CDH18: variants seen among roughly 807,000 people sequenced by gnomAD.
CDH18 encodes the protein cadherin 18.
A neutral mutation model predicts 67.9 loss-of-function variants in CDH18; 31 were observed. The observed-to-expected ratio is 0.46, with a 90% CI of 0.34 to 0.62. CDH18 has a LOEUF of 0.62. CDH18 is among the 20% of genes least tolerant of loss of function. The pLI is 0.01. For missense variants in CDH18, 890 were observed against 975.5 expected (o/e 0.91, Z 1.17); for synonymous variants, 362 against 347.2 (o/e 1.04, Z -0.48).
intron 6 of CDH18, among the ~76,000 whole-genome samples, chr5:19,611,566 T>C (rs1019338748): frequency 1.1e-4 from 16 of 152,028 alleles, no homozygotes; most frequent in African/African-American, 3.9e-4. Flanking sequence ...AGACAAGAGA[T>C]AAAGTTGAGA....
chr5:19,725,920 G>A (rs372495532), intron 4 of CDH18, among the ~76,000 whole-genome samples: 17 of 152,328 alleles, frequency 1.1e-4, no homozygotes, highest in African/African-American at 4.1e-4. Context: ...AAACTCCTCA[G>A]GTTTTGAAAT....
intron 1 of CDH18, among the ~76,000 whole-genome samples, chr5:20,301,868 T>C (rs1025007204): frequency 2.7e-5 from 4 of 148,624 alleles, no homozygotes; most frequent in Non-Finnish European, 5.9e-5. Flanking sequence ...ATAATCCTTT[T>C]AAAGAAAATC....
chr5:20,339,034 A>G (rs1740023971), intron 1 of CDH18, among the ~76,000 whole-genome samples: 1 of 152,128 alleles, frequency 6.6e-6, no homozygotes, highest in Non-Finnish European at 1.5e-5. Context: ...AAGACAGAGG[A>G]TGCCTATTCT....
intron 2 of CDH18, among the ~76,000 whole-genome samples, chr5:20,140,906 C>CA (rs1750194262): frequency 6.6e-6 from 1 of 152,080 alleles, no homozygotes; most frequent in African/African-American, 2.4e-5. Context: ...AGGTATTTTC[C>CA]AATTCAAGCT....
At chr5:20,024,541 A>G (rs1433524652) in intron 2 of CDH18, among the ~76,000 whole-genome samples, 2 of 152,212 alleles carry the variant, frequency 1.3e-5, no homozygotes, top group African/African-American at 4.8e-5. Context: ...GCAAAGAGAA[A>G]TGAAGACCAG....
intron 2 of CDH18, among the ~76,000 whole-genome samples, chr5:20,213,147 C>T (rs1253916793): frequency 6.6e-6 from 1 of 152,014 alleles, no homozygotes; most frequent in African/African-American, 2.4e-5. Flanking sequence ...ACTTGGAGGC[C>T]ATTGTAGGGT....
chr5:20,222,407 CA>C (rs1473537817), intron 2 of CDH18, among the ~76,000 whole-genome samples: 1 of 152,072 alleles, frequency 6.6e-6, no homozygotes, highest in Non-Finnish European at 1.5e-5. Flanking sequence ...TTGAGATTTA[CA>C]AATACTTTCC....
chr5:19,519,739 A>G (rs967363964), intron 10 of CDH18, among the ~76,000 whole-genome samples: 2 of 152,144 alleles, frequency 1.3e-5, no homozygotes, highest in African/African-American at 4.8e-5. Context: ...GGAGGTCCAA[A>G]TGGCAAGCAA....
intron 3 of CDH18, among the ~76,000 whole-genome samples, chr5:19,793,478 A>G (rs1776567746): frequency 6.6e-6 from 1 of 152,116 alleles, no homozygotes; most frequent in African/African-American, 2.4e-5. Flanking sequence ...TTAAATGTAC[A>G]CTGTATTTTA....
chr5:20,277,745 G>A (rs1375655415), intron 1 of CDH18, among the ~76,000 whole-genome samples: 1 of 151,958 alleles, frequency 6.6e-6, no homozygotes, highest in Non-Finnish European at 1.5e-5. Flanking sequence ...GCCATTTTGA[G>A]GAAACTCAAT....
chr5:19,774,519 A>G (rs1774091617), intron 3 of CDH18, among the ~76,000 whole-genome samples: 1 of 151,366 alleles, frequency 6.6e-6, no homozygotes, highest in Non-Finnish European at 1.5e-5. Flanking sequence ...TGGGATAAGC[A>G]CGCTTATGAA....
At chr5:20,519,749 G>A (rs1167944692) in intron 1 of CDH18, among the ~76,000 whole-genome samples, 4 of 151,636 alleles carry the variant, frequency 2.6e-5, no homozygotes, top group Non-Finnish European at 5.9e-5. Flanking sequence ...TGTAGGATCA[G>A]CAGGCATTAT....
intron 1 of CDH18, among the ~76,000 whole-genome samples, chr5:20,416,272 A>C (rs1056630571): frequency 7.9e-5 from 12 of 152,178 alleles, no homozygotes; most frequent in Admixed American, 2.6e-4. Context: ...TAAATTCACA[A>C]GTACATAAAT....
At chr5:20,408,038 A>G (rs1486602199) in intron 1 of CDH18, among the ~76,000 whole-genome samples, 1 of 152,056 alleles carries the variant, frequency 6.6e-6, no homozygotes, top group African/African-American at 2.4e-5. Context: ...TATAACATAC[A>G]AGGGAATCTC....
At chr5:19,563,988 A>G (rs549953715) in intron 8 of CDH18, among the ~76,000 whole-genome samples, 2 of 152,306 alleles carry the variant, frequency 1.3e-5, no homozygotes, top group South Asian at 4.1e-4. Flanking sequence ...GAAAGCAAAA[A>G]GTGACAGAAC....
intron 2 of CDH18, among the ~76,000 whole-genome samples, chr5:20,106,659 G>C (rs1746965760): frequency 6.6e-6 from 1 of 152,112 alleles, no homozygotes; most frequent in Non-Finnish European, 1.5e-5. Context: ...GGATTGTGGT[G>C]GTTGTTGTTA....
intron 8 of CDH18, among the ~76,000 whole-genome samples, chr5:19,544,984 T>A (rs1011953624): frequency 1.3e-5 from 2 of 152,090 alleles, no homozygotes; most frequent in African/African-American, 2.4e-5. Flanking sequence ...AGCTTTTTTT[T>A]AAGACCCCTG....
intron 1 of CDH18, among the ~76,000 whole-genome samples, chr5:20,315,999 C>CTCTA (rs1241890937): frequency 6.6e-6 from 1 of 152,074 alleles, no homozygotes; most frequent in South Asian, 2.1e-4. Flanking sequence ...AATGACTAAA[C>CTCTA]TCTAGACAAG....
At chr5:20,248,174 A>C (rs1743532114) in intron 2 of CDH18, among the ~76,000 whole-genome samples, 2 of 152,216 alleles carry the variant, frequency 1.3e-5, no homozygotes, top group South Asian at 4.1e-4. Context: ...TTAAGACTTA[A>C]AATACTGAGG....
Sources: gnomAD v4.1 joint callset for allele counts (sites outside exome capture counted in the v4.1 genomes callset) on GRCh38, gnomAD v4.1.1 for gene constraint, MANE v1.5 for transcripts, NCBI Gene and HGNC (gene_info 2026-07-23, HGNC 2026-07-21) for gene names.